The following RAPGEF5 variants were observed in gnomAD, a reference collection of about 807,000 sequenced individuals.
The protein encoded by RAPGEF5 is Rap guanine nucleotide exchange factor 5.
A neutral mutation model predicts 125.2 loss-of-function variants in RAPGEF5; 65 were observed. The observed-to-expected ratio is 0.52, with a 90% CI of 0.43 to 0.64. The LOEUF is 0.64. Ranked by LOEUF, RAPGEF5 falls within the 30% of genes least tolerant of loss-of-function variation. The probability of loss-of-function intolerance (pLI) is 0.00; values close to 1 mark genes in which losing one functional copy is unlikely to be tolerated. For missense variants in RAPGEF5, 958 were observed against 1,048.1 expected (o/e 0.91, Z 1.19); for synonymous variants, 391 against 385.9 (o/e 1.01, Z -0.16).
intron 20 of RAPGEF5, among the ~76,000 whole-genome samples, chr7:22,143,937 G>A (rs554727542): frequency 4.6e-5 from 7 of 152,240 alleles, no homozygotes; most frequent in Non-Finnish European, 8.8e-5. Flanking sequence ...ACATGTAAGT[G>A]ATCAATATAT....
intron 15 of RAPGEF5, 104 bp from the exon 16 acceptor site, chr7:22,156,992 T>G (rs1262622842): frequency 6.7e-7 from 1 of 1,491,456 alleles, no homozygotes; most frequent in Non-Finnish European, 9.0e-7. Context: ...AATTTTTTTT[T>G]AATATGAAAT....
rs1033468278 is a variant in RAPGEF5 at position 22,121,936 on chromosome 7, G to A, written c.*470C>T. ...AACCTCTCCTCCCTGGAGATCTAGAGATGCTGTCTCTGTCATCAGGTGTTC... is the reference window on the plus strand; with the variant it reads ...AACCTCTCCTCCCTGGAGATCTAGAAATGCTGTCTCTGTCATCAGGTGTTC... On this transcript the variant is annotated 3_prime_UTR_variant, in exon 26 of 26. Transcript: ENST00000665637. 6.9e-5 allele frequency: 11 copies of A among 158,738 alleles called. No individual in the cohort carries two copies. The highest frequency in any genetic ancestry group is 1.4e-4 in the Non-Finnish European group (10 of 71,320). 9.8% of individuals were successfully genotyped at this position (158,738 alleles called of 1,614,324 possible).
intron 7 of RAPGEF5, among the ~76,000 whole-genome samples, chr7:22,239,122 G>C (rs1416513715): frequency 6.6e-6 from 1 of 152,168 alleles, no homozygotes; most frequent in Non-Finnish European, 1.5e-5. Context: ...ATGGAAGCTG[G>C]CTGCCTTTCA....
chr7:22,193,035 G>C (rs1449527229), intron 11 of RAPGEF5: 1 of 364,090 alleles, frequency 2.7e-6, no homozygotes, highest in Non-Finnish European at 5.0e-6. Flanking sequence ...CCTCCTCCTT[G>C]TATTTCTTTC....
chr7:22,208,333 T>C (rs948281637), intron 9 of RAPGEF5, among the ~76,000 whole-genome samples: 8 of 152,234 alleles, frequency 5.3e-5, no homozygotes, highest in African/African-American at 1.9e-4. Context: ...TAACTTTATG[T>C]ATTGTCACTG....
chr7:22,167,323 T>C (rs1392115933), intron 11 of RAPGEF5, among the ~76,000 whole-genome samples, 175 bp from the exon 12 acceptor site: 6 of 152,176 alleles, frequency 3.9e-5, no homozygotes, highest in Admixed American at 6.6e-5. Context: ...AATTAAGATA[T>C]GAAAAACTCC....
At chr7:22,126,981 C>T (rs1194319753) in intron 24 of RAPGEF5, among the ~76,000 whole-genome samples, 2 of 150,700 alleles carry the variant, frequency 1.3e-5, no homozygotes, top group East Asian at 4.0e-4. Flanking sequence ...GTACAGTCTT[C>T]AATATTCTAA....
At chr7:22,228,390 G>T (rs1318821312) in intron 8 of RAPGEF5, among the ~76,000 whole-genome samples, 4 of 152,106 alleles carry the variant, frequency 2.6e-5, no homozygotes, top group Non-Finnish European at 5.9e-5. Context: ...ACCTTAGAGT[G>T]TCTAATATAT....
chr7:22,245,949 C>T (rs915247911), intron 7 of RAPGEF5, among the ~76,000 whole-genome samples: 9 of 151,912 alleles, frequency 5.9e-5, no homozygotes, highest in Admixed American at 1.3e-4. Flanking sequence ...TCAGGAAGAG[C>T]GCCAAATCAA....
intron 25 of RAPGEF5, 47 bp from the exon 26 acceptor site, chr7:22,122,568 G>T: frequency 7.1e-7 from 1 of 1,399,786 alleles, no homozygotes; most frequent in Non-Finnish European, 1.0e-6. Flanking sequence ...GAGCAGTAAT[G>T]CTGTATCTAC....
chr7:22,223,944 C>T lies in RAPGEF5; in HGVS notation c.871-3953G>A, dbSNP rs1343482639. On this transcript the variant is annotated intron_variant, in intron 8 of 25. Coordinates refer to ENST00000665637, the MANE Select transcript of RAPGEF5 (RefSeq NM_012294.5). ...AGGGCCAGACAATAAATATTCTAGG[C>T]TTTGTAGGTCATGGGGTCTCTGTTG... is the stretch of plus-strand genomic sequence containing the variant. 4.6e-5 allele frequency among the ~76,000 whole-genome samples: 7 copies of T among 152,162 alleles called. No homozygotes were observed. In the East Asian group the frequency reaches 1.3e-3, roughly 29 times the overall value.
chr7:22,188,770 A>G (rs1784899114), intron 11 of RAPGEF5, among the ~76,000 whole-genome samples: 1 of 151,508 alleles, frequency 6.6e-6, no homozygotes, highest in African/African-American at 2.4e-5. Flanking sequence ...GTCTCAAAAA[A>G]AAAAAAAAAA....
chr7:22,144,903 A>T, intron 20 of RAPGEF5, 141 bp downstream of exon 20: 1 of 943,878 alleles, frequency 1.1e-6, no homozygotes, highest in Non-Finnish European at 1.5e-6. Context: ...TCAAAATTGG[A>T]CATTTTCAGC....
At chr7:22,134,933 T>C (rs1783033953) in intron 23 of RAPGEF5, among the ~76,000 whole-genome samples, 1 of 152,204 alleles carries the variant, frequency 6.6e-6, no homozygotes, top group Non-Finnish European at 1.5e-5. Context: ...TGTCCTAATA[T>C]TATATTCCTG....
intron 9 of RAPGEF5, among the ~76,000 whole-genome samples, chr7:22,213,225 T>G (rs1785551236): frequency 6.6e-6 from 1 of 152,198 alleles, no homozygotes; most frequent in African/African-American, 2.4e-5. Flanking sequence ...AGCAGATGGT[T>G]CCACCAGACA....
chr7:22,154,700 C>T, intron 16 of RAPGEF5, 96 bp from the exon 17 acceptor site: 4 of 1,373,704 alleles, frequency 2.9e-6, no homozygotes, highest in African/African-American at 1.4e-5. Context: ...TTTTCTAAAT[C>T]AACCCACCTG....
At chr7:22,138,605 C>A (rs186672904) in intron 21 of RAPGEF5, among the ~76,000 whole-genome samples, 2 of 152,138 alleles carry the variant, frequency 1.3e-5, no homozygotes, top group African/African-American at 4.8e-5. Context: ...GCTTCTCATT[C>A]GAGTTTTCTC....
At chr7:22,272,292 G>A (rs1330652989) in intron 6 of RAPGEF5, among the ~76,000 whole-genome samples, 5 of 141,200 alleles carry the variant, frequency 3.5e-5, no homozygotes, top group African/African-American at 1.3e-4. Flanking sequence ...GCAGTGAGCT[G>A]AGACCACGCC....
intron 9 of RAPGEF5, among the ~76,000 whole-genome samples, chr7:22,212,123 G>A (rs1055944900): frequency 4.6e-5 from 7 of 151,978 alleles, no homozygotes; most frequent in Non-Finnish European, 5.9e-5. Context: ...ATAGGCACCC[G>A]CCAGCATGCC....
Sources: allele counts gnomAD v4.1 joint callset (sites outside exome capture counted in the v4.1 genomes callset), GRCh38; gene constraint gnomAD v4.1.1; transcripts MANE v1.5; gene names NCBI Gene and HGNC (gene_info 2026-07-23, HGNC 2026-07-21).